The following GPATCH1 variants were observed in gnomAD, a reference collection of about 807,000 sequenced individuals.
The protein encoded by GPATCH1 is G patch domain-containing protein 1.
A neutral mutation model predicts 114.9 loss-of-function variants in GPATCH1; 73 were observed. The ratio of observed to expected loss-of-function variants is 0.64; its 90% CI spans 0.53 to 0.77. The LOEUF is 0.77. GPATCH1 is among the 30% of genes least tolerant of loss of function. The probability of loss-of-function intolerance (pLI) is 0.00; values close to 1 mark genes in which losing one functional copy is unlikely to be tolerated. For missense variants in GPATCH1, 1,058 were observed against 1,144.3 expected (o/e 0.92, Z 1.09); for synonymous variants, 391 against 428.4 (o/e 0.91, Z 1.08).
chr19:33,118,320 A>G (rs1042678595), intron 16 of GPATCH1, among the ~76,000 whole-genome samples: 1 of 151,560 alleles, frequency 6.6e-6, no homozygotes, highest in Non-Finnish European at 1.5e-5. Context: ...CTGGGACTAC[A>G]GGAATGTGCC....
intron 1 of GPATCH1, among the ~76,000 whole-genome samples, chr19:33,082,630 G>A (rs183096944): frequency 6.6e-6 from 1 of 151,928 alleles, no homozygotes. Flanking sequence ...GATTGCTTGA[G>A]GTCAGGAGTT....
At chr19:33,113,269 C>T (rs12461699) in intron 13 of GPATCH1, 22,492 of 156,602 alleles carry the variant, frequency 0.14, 1,888 homozygotes, top group East Asian at 0.35. Flanking sequence ...GGTGAAACCC[C>T]GTCTCTACTA....
intron 15 of GPATCH1, 110 bp from the exon 16 acceptor site, chr19:33,117,715 T>A (rs1215822044): frequency 1.3e-6 from 1 of 753,982 alleles, no homozygotes; most frequent in East Asian, 2.5e-5. Flanking sequence ...TGGATACCCA[T>A]GTACATGAGC....
intron 17 of GPATCH1, among the ~76,000 whole-genome samples, chr19:33,120,059 T>TTA (rs1335692729): frequency 1.5e-5 from 2 of 132,862 alleles, no homozygotes; most frequent in African/African-American, 2.8e-5. Flanking sequence ...ATATTTATAC[T>TTA]TATATATATA....
At chr19:33,107,998 C>T (rs936673518) in intron 10 of GPATCH1, among the ~76,000 whole-genome samples, 8 of 152,086 alleles carry the variant, frequency 5.3e-5, no homozygotes, top group Non-Finnish European at 1.2e-4. Flanking sequence ...TATCCCTCCC[C>T]GCTTCCCCGG....
rs779427695 is a variant in GPATCH1, at chr19:33,130,265, C to T, written c.*105C>T. Reference sequence around the variant, plus strand: ...ACAGAGTGTATTTATATGTAAATTCCTGCTGTAAAATAATTTTTAAAACCT... The same window carrying T: ...ACAGAGTGTATTTATATGTAAATTCTTGCTGTAAAATAATTTTTAAAACCT... On this transcript the variant is annotated 3_prime_UTR_variant, in exon 20 of 20. Coordinates refer to ENST00000170564, the MANE Select transcript of GPATCH1 (RefSeq NM_018025.3). 1 of 690,270 alleles carries T rather than the reference C, an allele frequency of 1.4e-6. No individual in the cohort carries two copies. 42.8% of individuals were successfully genotyped at this position (690,270 alleles called of 1,614,324 possible).
chr19:33,128,861 T>G (rs535336960), intron 19 of GPATCH1, among the ~76,000 whole-genome samples: 1 of 152,228 alleles, frequency 6.6e-6, no homozygotes, highest in African/African-American at 2.4e-5. Context: ...GATACTGGGT[T>G]TTTTACTTTG....
intron 1 of GPATCH1, among the ~76,000 whole-genome samples, chr19:33,084,001 G>C (rs995560698): frequency 1.3e-5 from 2 of 151,770 alleles, no homozygotes; most frequent in Admixed American, 1.3e-4. Flanking sequence ...GTAGACACAG[G>C]GTTTTACCAC....
At position 33,094,254 on chromosome 19, in the gene GPATCH1, C is replaced by T. The variant is rs770609275; in HGVS notation, c.538C>T (p.Arg180Cys). 63 of 1,585,068 alleles carry T rather than the reference C, an allele frequency of 4.0e-5. No individual in the cohort carries two copies. The highest frequency in any genetic ancestry group is 4.5e-5 in the Non-Finnish European group (52 of 1,153,892). ...GVGPRVKRRP[R>C]RQKPDPGVKI... ...TGGTCCTCGAGTAAAGAGACGGCCA[C>T]GCCGACAGAAACCTGGTGTGTATGT... The change falls in exon 5 of 20, where the codon CGC (arginine) becomes TGC (cysteine). Residue 180 changes from arginine to cysteine, a missense_variant. Transcript: ENST00000170564.
At position 33,114,351 on chromosome 19, in the gene GPATCH1, C is replaced by T. The variant is rs1972892736; in HGVS notation, c.2128C>T (p.Pro710Ser). Reference sequence around the variant, plus strand: ...TTTGGCTAGATCAAAAGCCGAGCCACCTAAACAACAGTCCAGCCCCTTAGT... The same window carrying T: ...TTTGGCTAGATCAAAAGCCGAGCCATCTAAACAACAGTCCAGCCCCTTAGT... The part of the protein sequence containing the change: ...LSLARSKAEP[P>S]KQQSSPLVNK... The change falls in exon 15 of 20, where the codon CCT becomes TCT. Residue 710 changes from proline to serine, a missense_variant. Around this residue, in one of 3 missense-constraint regions of GPATCH1, gnomAD observed 893 missense variants for 977.4 expected, o/e 0.91. Coordinates refer to ENST00000170564, the MANE Select transcript of GPATCH1 (RefSeq NM_018025.3). 8 of 1,613,554 alleles carry T rather than the reference C, an allele frequency of 5.0e-6. No individual in the cohort carries two copies. The highest frequency in any genetic ancestry group is 1.3e-5 in the African/African-American group (1 of 74,964).
chr19:33,102,007 C>A (rs1393406553), intron 9 of GPATCH1, among the ~76,000 whole-genome samples: 2 of 136,004 alleles, frequency 1.5e-5, no homozygotes, highest in East Asian at 2.2e-4. Context: ...CCAGCCTGGA[C>A]AACACGTAAA....
chr19:33,126,536 T>G (rs914290163), intron 18 of GPATCH1, 52 bp from the exon 19 acceptor site: 2 of 1,604,426 alleles, frequency 1.2e-6, no homozygotes, highest in Non-Finnish European at 1.7e-6. Flanking sequence ...TGTATTGAAT[T>G]AAGGAGGAAA....
chr19:33,096,319 A>G lies in GPATCH1; in HGVS notation c.725A>G (p.Asp242Gly), dbSNP rs1467929469. Residue 242 changes from aspartate (D) to glycine (G), a missense_variant, in exon 7 of 20, where the codon GAT (aspartate) becomes GGT (glycine). Coordinates refer to ENST00000170564, the MANE Select transcript of GPATCH1 (RefSeq NM_018025.3). ...NVHGLAYKGL[D>G]PHQALFGTSG... ...CATGGTCTAGCTTACAAGGGCCTGGATCCCCACCAGGCACTGTTTGGAACT... is the reference window on the plus strand; with the variant it reads ...CATGGTCTAGCTTACAAGGGCCTGGGTCCCCACCAGGCACTGTTTGGAACT... 35 of 1,613,956 alleles carry G rather than the reference A, an allele frequency of 2.2e-5. No individual in the cohort carries two copies. Among genetic ancestry groups the G allele is most frequent in the Non-Finnish European group, 2.9e-5 (34 of 1,179,942 alleles).
chr19:33,118,404 C>T (rs895143542), intron 16 of GPATCH1, among the ~76,000 whole-genome samples: 1 of 151,908 alleles, frequency 6.6e-6, no homozygotes, highest in African/African-American at 2.4e-5. Flanking sequence ...GTCTCTAACT[C>T]CTGACCTCAG....
intron 8 of GPATCH1, 127 bp from the exon 9 acceptor site, chr19:33,101,368 G>A (rs1363529921): frequency 6.2e-6 from 4 of 640,864 alleles, no homozygotes; most frequent in Non-Finnish European, 1.1e-5. Context: ...TACTGCTGCT[G>A]TTGAGTGATA....
In GPATCH1 at chr19:33,083,222, C is replaced by T. The variant is rs1382666195; in HGVS notation, c.73+1956C>T. 2.1e-4 allele frequency among the ~76,000 whole-genome samples: 26 copies of T among 121,678 alleles called. 1 individual carries two copies. The highest frequency in any genetic ancestry group is 6.6e-4 in the African/African-American group (21 of 31,860). 79.8% of individuals were successfully genotyped at this position (121,678 alleles called of 152,430 possible). Reference sequence around the variant, plus strand: ...TGGCGCCACTGCACTCCAGCCTGGGCGACAGAGCGAGACTCTGTCTCAAAA... The same window carrying T: ...TGGCGCCACTGCACTCCAGCCTGGGTGACAGAGCGAGACTCTGTCTCAAAA... On this transcript the variant is annotated intron_variant, in intron 1 of 19. Transcript: ENST00000170564.
chr19:33,094,207 G>A lies in GPATCH1; in HGVS notation c.491G>A (p.Gly164Asp). Residue 164 changes from glycine (G) to aspartate (D), a missense_variant, in exon 5 of 20, where the codon GGT (glycine) becomes GAT (aspartate). Transcript: ENST00000170564. The stretch of plus-strand genomic sequence containing the variant: ...GGTTTCGAATTGCTAAGAAAAATGG[G>A]TTGGAAAGAAGGACAAGGAGTTGGT... ...SVGFELLRKMGWKEGQGVGPR... is the reference protein window; with the variant it reads ...SVGFELLRKMDWKEGQGVGPR... 1 of 1,609,544 alleles carries A rather than the reference G, an allele frequency of 6.2e-7. No individual in the cohort carries two copies. The highest frequency in any genetic ancestry group is 1.1e-5 in the South Asian group (1 of 90,988).
chr19:33,099,765 ATTT>A (rs35230371), intron 8 of GPATCH1, among the ~76,000 whole-genome samples: 8 of 118,310 alleles, frequency 6.8e-5, no homozygotes, highest in Admixed American at 2.7e-4. Flanking sequence ...CGCCCAGCTA[ATTT>A]TTTTTTTTTT....
rs186787708 is a variant in GPATCH1 at position 33,101,726 on chromosome 19, C to T, written c.1080+152C>T. ...GGTTACTAGTGATTGTCTAGAAAAA[C>T]ATTCTACATTAGAAATACCAGGGCG... is the stretch of plus-strand genomic sequence containing the variant. On this transcript the variant is annotated intron_variant, in intron 9 of 19. Transcript: ENST00000170564. 37 of 602,810 alleles carry T rather than the reference C, an allele frequency of 6.1e-5. No individual in the cohort carries two copies. The Admixed American group carries it at 9.8e-4, about 16-fold the overall frequency. The allele number at this position is 602,810 out of a possible 1,614,324, so 37.3% of individuals were successfully genotyped here.
Sources: gnomAD v4.1 joint callset for allele counts (sites outside exome capture counted in the v4.1 genomes callset) on GRCh38, gnomAD v4.1.1 for gene constraint, gnomAD v4.1.1 regional missense constraint, MANE v1.5 for transcripts, NCBI Gene and HGNC (gene_info 2026-07-23, HGNC 2026-07-21) for gene names.